Variants in PHC2 observed in about 807,000 individuals in gnomAD.
The protein encoded by PHC2 is polyhomeotic homolog 2.
PHC2 carries 29 observed loss-of-function variants against 87.4 expected under a neutral mutation model. The ratio of observed to expected loss-of-function variants is 0.33; its 90% CI spans 0.25 to 0.45. PHC2 has a LOEUF of 0.45. Ranked by LOEUF, PHC2 falls within the 20% of genes least tolerant of loss-of-function variation. PHC2 has a pLI of 1.00. For synonymous variants in PHC2, 438 were observed against 461.7 expected (o/e 0.95, Z 0.66); for missense variants, 857 against 1,136.7 (o/e 0.75, Z 3.54).
intron 1 of PHC2, among the ~76,000 whole-genome samples, chr1:33,413,910 T>C (rs1387744497): frequency 1.5e-4 from 23 of 152,186 alleles, no homozygotes; most frequent in Admixed American, 1.5e-3. Flanking sequence ...TGACCCAATG[T>C]TGTGTTTGTG....
Position 33,332,221 on chromosome 1 carries a change from C to T in PHC2, c.1891+54G>A. 6.8e-6 allele frequency: 11 copies of T among 1,610,132 alleles called. No individual in the cohort carries two copies. The highest frequency in any genetic ancestry group is 9.3e-6 in the Non-Finnish European group (11 of 1,176,716). On this transcript the variant is annotated intron_variant, in intron 11 of 14. Coordinates refer to ENST00000683057, the MANE Select transcript of PHC2 (RefSeq NM_001385109.1). The surrounding 1 kb of genome is among the most constrained non-coding windows in gnomAD (Gnocchi z 4.2). ...AACAGAGAGAGGAAGTGTGTGAGGCCTGCCTTTCCAGCCACGCTGGGAGGC... is the reference window on the plus strand; with the variant it reads ...AACAGAGAGAGGAAGTGTGTGAGGCTTGCCTTTCCAGCCACGCTGGGAGGC...
Position 33,324,973 on chromosome 1 carries a change from C to T in PHC2, c.2472G>A (p.Gly824=), listed in dbSNP as rs1314196419. 1 of 1,613,718 alleles carries T rather than the reference C, an allele frequency of 6.2e-7. No individual in the cohort carries two copies. The highest frequency in any genetic ancestry group is 1.1e-5 in the South Asian group (1 of 91,014). The part of the protein sequence containing the change: ...AEEFRAQEID[G]QALLLLKEDH... ...CCTCCTTGAGCAGCAGCAGGGCTTG[C>T]CCGTCGATTTCCTGGGCACGGAATT... is the stretch of plus-strand genomic sequence containing the variant. Residue 824 remains glycine, a synonymous_variant, in exon 15 of 15, where the codon GGG becomes GGA. Transcript: ENST00000683057.
In PHC2 at chr1:33,367,327, C is replaced by T. The variant is rs572884713; in HGVS notation, c.765G>A (p.Thr255=). 27 of 1,613,306 alleles carry T rather than the reference C, an allele frequency of 1.7e-5. No homozygotes were observed. Among genetic ancestry groups the T allele is most frequent in the South Asian group, 1.3e-4 (12 of 91,024 alleles). ...TAGGCAGAGGCTGGCTACCGCCCGG[C>T]GTGGGTTTCAGGGCCAAGCTGGGCA... The part of the protein sequence containing the change: ...PVLPSLALKP[T]PGGSQPLPTP... Residue 255 remains threonine (T), a synonymous_variant, in exon 7 of 15, where the codon ACG becomes ACA. Transcript: ENST00000683057.
intron 1 of PHC2, among the ~76,000 whole-genome samples, chr1:33,402,638 A>G (rs1649585908): frequency 6.6e-6 from 1 of 152,244 alleles, no homozygotes; most frequent in Non-Finnish European, 1.5e-5. Flanking sequence ...ATACAATCTC[A>G]GGTATCAACA....
intron 1 of PHC2, 87 bp downstream of exon 1, chr1:33,430,889 T>C (rs1015078325): frequency 5.3e-5 from 8 of 150,080 alleles, no homozygotes; most frequent in Admixed American, 4.0e-4. Context: ...GCCCAAAGGG[T>C]TAAGCCGGCA....
At position 33,354,562 on chromosome 1, in the gene PHC2, T is replaced by C; in HGVS notation, c.1397A>G (p.Gln466Arg). ...TTTCCAGTCATCAGGGACACACTGC[T>C]GGGGCTGTCAAAGGACAGGACAGAG... is the stretch of plus-strand genomic sequence containing the variant. Reference protein sequence around the residue: ...LQLQPASPVPQQCVPDDWKEV... With the variant: ...LQLQPASPVPRQCVPDDWKEV... The change falls in exon 9 of 15, where the codon CAG (glutamine) becomes CGG (arginine). Residue 466 changes from glutamine to arginine, a missense_variant. Gln to Arg is a conservative substitution (Grantham distance 43, BLOSUM62 1). Transcript: ENST00000683057. The C allele has an allele frequency of 1.2e-6, 2 of 1,613,184 alleles. No homozygotes were observed. Among genetic ancestry groups the C allele is most frequent in the Non-Finnish European group, 1.7e-6 (2 of 1,179,492 alleles).
intron 1 of PHC2, among the ~76,000 whole-genome samples, chr1:33,399,321 T>C (rs982897922): frequency 1.1e-4 from 17 of 148,242 alleles, no homozygotes; most frequent in African/African-American, 4.1e-4. Context: ...GAAGTATTAT[T>C]ACTTTGGACA....
intron 1 of PHC2, among the ~76,000 whole-genome samples, chr1:33,396,132 C>G (rs1279599212): frequency 6.6e-6 from 1 of 152,212 alleles, no homozygotes; most frequent in African/African-American, 2.4e-5. Context: ...TACGAATTCA[C>G]CACTCAGTCT....
intron 1 of PHC2, among the ~76,000 whole-genome samples, chr1:33,430,207 G>A (rs1650847018): frequency 6.6e-6 from 1 of 152,190 alleles, no homozygotes; most frequent in Admixed American, 6.5e-5. Flanking sequence ...CTCCGTGTAT[G>A]ACAGACCCGA....
At chr1:33,354,806 T>C (rs765773038) in intron 8 of PHC2, 32 bp downstream of exon 8, 9 of 1,597,836 alleles carry the variant, frequency 5.6e-6, no homozygotes, top group Non-Finnish European at 7.7e-6. Flanking sequence ...CCACCCCGTG[T>C]GCTCCCTGGA....
At chr1:33,377,236 G>T (rs1648230185) in intron 1 of PHC2, among the ~76,000 whole-genome samples, 1 of 152,240 alleles carries the variant, frequency 6.6e-6, no homozygotes, top group Non-Finnish European at 1.5e-5. Flanking sequence ...ATGATGAAAG[G>T]TGCTCAGCAG....
At chr1:33,359,933 C>T (rs991177241) in intron 7 of PHC2, among the ~76,000 whole-genome samples, 7 of 152,162 alleles carry the variant, frequency 4.6e-5, no homozygotes, top group East Asian at 1.9e-4. Flanking sequence ...GTCTAAGTTA[C>T]GCTAGCACCT....
intron 9 of PHC2, chr1:33,347,509 A>G (rs1300563379): frequency 1.0e-6 from 1 of 985,312 alleles, no homozygotes; most frequent in Non-Finnish European, 1.2e-6. Context: ...TGGGGACATG[A>G]TGAAACACCA....
intron 9 of PHC2, chr1:33,346,594 C>G (rs1448534068): frequency 1.0e-6 from 1 of 985,220 alleles, no homozygotes; most frequent in African/African-American, 1.7e-5. Flanking sequence ...TTGGTAAACA[C>G]CGTACTAATG....
chr1:33,396,206 A>G (rs1649286411), intron 1 of PHC2, among the ~76,000 whole-genome samples: 1 of 152,212 alleles, frequency 6.6e-6, no homozygotes, highest in Non-Finnish European at 1.5e-5. Context: ...TAGTCTTCTC[A>G]GAGCCTGCTG....
Position 33,370,932 on chromosome 1 carries a change from C to T in PHC2, c.411+85G>A, listed in dbSNP as rs114320437. Reference sequence around the variant, plus strand: ...TTCCAGCCATGATGCTACATGGCCACGGATTCACCACAACTGGGTCTGGGA... The same window carrying T: ...TTCCAGCCATGATGCTACATGGCCATGGATTCACCACAACTGGGTCTGGGA... On this transcript the variant is annotated intron_variant, in intron 4 of 14. Coordinates refer to ENST00000683057, the MANE Select transcript of PHC2 (RefSeq NM_001385109.1). The T allele has an allele frequency of 6.6e-4, 725 of 1,097,148 alleles. 5 individuals are homozygous for T. In the African/African-American group the frequency reaches 9.7e-3, roughly 15 times the overall value. The allele number at this position is 1,097,148 out of a possible 1,614,324, so 68.0% of individuals were successfully genotyped here.
intron 2 of PHC2, among the ~76,000 whole-genome samples, chr1:33,372,979 G>T (rs1192566239): frequency 6.6e-6 from 1 of 152,234 alleles, no homozygotes. Context: ...CCTTCTTGAG[G>T]CTGGGGCTGC....
At chr1:33,412,653 C>G (rs1650030725) in intron 1 of PHC2, among the ~76,000 whole-genome samples, 1 of 152,158 alleles carries the variant, frequency 6.6e-6, no homozygotes, top group Non-Finnish European at 1.5e-5. Context: ...GATATATGTA[C>G]CCTATCTAGC....
intron 1 of PHC2, among the ~76,000 whole-genome samples, chr1:33,401,412 A>G (rs1649524616): frequency 6.6e-6 from 1 of 152,202 alleles, no homozygotes; most frequent in East Asian, 1.9e-4. Flanking sequence ...CCTAAAGAAG[A>G]CAATGTGAGA....
Sources: allele counts gnomAD v4.1 joint callset (sites outside exome capture counted in the v4.1 genomes callset), GRCh38; gene constraint gnomAD v4.1.1; non-coding constraint Gnocchi (gnomAD v3.1); transcripts MANE v1.5; gene names NCBI Gene and HGNC (gene_info 2026-07-23, HGNC 2026-07-21).